The following OVCH2 variants were observed in gnomAD, a reference collection of about 807,000 sequenced individuals.
OVCH2 encodes ovochymase-2.
Under a neutral mutation model 73.7 loss-of-function variants are expected in OVCH2, and 88 were observed. The ratio of observed to expected loss-of-function variants is 1.19; its 90% CI spans 1.01 to 1.43. The LOEUF is 1.43. OVCH2 is among the 40% of genes most tolerant of loss of function. The pLI is 0.00. For missense variants in OVCH2, 706 were observed against 674.5 expected, an observed-to-expected ratio of 1.05 and a Z score of -0.52; for synonymous variants, 265 against 234.5, an observed-to-expected ratio of 1.13 and a Z score of -1.19.
chr11:7,689,840 G>T, intron 15 of OVCH2, 84 bp downstream of exon 15: 1 of 828,670 alleles, frequency 1.2e-6, no homozygotes, highest in South Asian at 1.4e-5. Context: ...GGAGGAAGAT[G>T]GAATTAAATC....
At chr11:7,686,982 A>C (rs1296252762), downstream of OVCH2, among the ~76,000 whole-genome samples, 1 of 152,070 alleles carries the variant, frequency 6.6e-6, no homozygotes, top group Non-Finnish European at 1.5e-5. Context: ...ACTCCTTAGA[A>C]TTCCTGGAGA....
At chr11:7,686,336 C>T (rs182064568), downstream of OVCH2, among the ~76,000 whole-genome samples, 263 of 152,250 alleles carry the variant, frequency 1.7e-3, 5 homozygotes, top group South Asian at 0.036. Context: ...TCATATGCAA[C>T]GTTTAGAATG....
chr11:7,695,311 G>C (rs1589875385), intron 11 of OVCH2, 123 bp from the exon 12 acceptor site: 1 of 1,247,898 alleles, frequency 8.0e-7, no homozygotes, highest in Admixed American at 2.8e-5. Flanking sequence ...CTGCGAACAA[G>C]AAAAGACGTA....
chr11:7,682,255 G>A, the OVCH2 span, among the ~76,000 whole-genome samples: 5 of 152,230 alleles, frequency 3.3e-5, no homozygotes, highest in African/African-American at 1.2e-4. Context: ...CAGTAGCAAA[G>A]CTGGGACATA....
chr11:7,691,545 T>C (rs1370386143), intron 13 of OVCH2, 145 bp from the exon 14 acceptor site: 20 of 1,134,368 alleles, frequency 1.8e-5, no homozygotes, highest in Non-Finnish European at 2.3e-5. Flanking sequence ...TAAAGGCAGC[T>C]CACTCCTTAA....
chr11:7,705,340 A>G (rs1589883434), intron 1 of OVCH2: 1 of 152,344 alleles, frequency 6.6e-6, no homozygotes, highest in East Asian at 1.9e-4. Flanking sequence ...TGCCTCTATC[A>G]TCGGACTATG....
In OVCH2 at chr11:7,703,807, TA is replaced by T. The variant is rs761551029; in HGVS notation, c.199-19del. Reference sequence around the variant, plus strand: ...AGAGATACCTAAATTGCAAATACCTTAAATGAAAGCAAGTTCATGCCCTGGG... The same window carrying T: ...AGAGATACCTAAATTGCAAATACCTTAATGAAAGCAAGTTCATGCCCTGGG... On this transcript the variant is annotated intron_variant, in intron 2 of 15. Coordinates refer to ENST00000533663, the MANE Select transcript of OVCH2 (RefSeq NM_198185.7). The T allele has an allele frequency of 1.4e-5, 22 of 1,582,686 alleles. No homozygotes were observed. The African/African-American group carries it at 3.0e-4, about 21-fold the overall frequency.
At chr11:7,692,484 T>C (rs1856241067) in intron 12 of OVCH2, among the ~76,000 whole-genome samples, 1 of 152,214 alleles carries the variant, frequency 6.6e-6, no homozygotes, top group Non-Finnish European at 1.5e-5. Flanking sequence ...CTGGCTCCTC[T>C]TCTCACCTGC....
chr11:7,706,224 G>A, intron 1 of OVCH2, 83 bp downstream of exon 1: 1 of 1,333,518 alleles, frequency 7.5e-7, no homozygotes, highest in Non-Finnish European at 1.0e-6. Context: ...TTTTCCCAAA[G>A]GAACATGGAG....
At chr11:7,699,570 T>C (rs1220961709) in intron 7 of OVCH2, 1 of 152,232 alleles carries the variant, frequency 6.6e-6, no homozygotes, top group Non-Finnish European at 1.5e-5. Flanking sequence ...TGTACTGTTA[T>C]TTTTATTGTT....
Position 7,695,676 on chromosome 11 carries a change from A to C in OVCH2, c.1176T>G (p.Ile392Met), listed in dbSNP as rs1856318363. 2.5e-6 allele frequency: 4 copies of C among 1,612,652 alleles called. No homozygotes were observed. Among genetic ancestry groups the C allele is most frequent in the Non-Finnish European group, 2.5e-6 (3 of 1,179,742 alleles). ...KFCGESLPSS[I>M]LIGSNSLRLK... is the part of the protein sequence containing the mutation. The stretch of plus-strand genomic sequence containing the variant: ...GCCTTAGAGAATTAGAGCCAATAAG[A>C]ATGGATGAAGGGAGGCTTTCTCCAC... The change falls in exon 11 of 16, where the codon ATT (isoleucine) becomes ATG (methionine). Residue 392 changes from isoleucine to methionine, a missense_variant. By Grantham distance (10) the Ile-to-Met change is conservative (BLOSUM62 1). Transcript: ENST00000533663.
rs775846650 is a variant in OVCH2, at chr11:7,696,764, C to A, written c.961G>T (p.Ala321Ser). 1.6e-5 allele frequency: 25 copies of A among 1,611,574 alleles called. No individual in the cohort carries two copies. In the Admixed American group the frequency reaches 3.9e-4, roughly 25 times the overall value. The change falls in exon 9 of 16, where the codon GCT (alanine) becomes TCT (serine). Residue 321 changes from alanine to serine, a missense_variant. Ala to Ser is a moderately conservative substitution (Grantham distance 99, BLOSUM62 1). Coordinates refer to ENST00000533663, the MANE Select transcript of OVCH2 (RefSeq NM_198185.7). Reference sequence around the variant, plus strand: ...TCTGGGAAGTGCAGCTTCCCCTCAGCCCCGCTGACTATGACATCCTGCTCA... The same window carrying A: ...TCTGGGAAGTGCAGCTTCCCCTCAGACCCGCTGACTATGACATCCTGCTCA... ...CSEQDVIVSG[A>S]EGKLHFPESL...
the OVCH2 span, among the ~76,000 whole-genome samples, chr11:7,682,591 G>A: frequency 6.6e-6 from 1 of 152,348 alleles, no homozygotes; most frequent in East Asian, 1.9e-4. Context: ...ATTTCCTCCA[G>A]TTACTGTTCC....
intron 5 of OVCH2, 61 bp from the exon 6 acceptor site, chr11:7,701,536 T>A: frequency 6.4e-7 from 1 of 1,563,220 alleles, no homozygotes; most frequent in East Asian, 2.3e-5. Flanking sequence ...GAGTTGAAGA[T>A]GCATCATTTG....
chr11:7,697,001 G>T lies in OVCH2; in HGVS notation c.926-202C>A. 4 of 570,254 alleles carry T rather than the reference G, an allele frequency of 7.0e-6. No individual in the cohort carries two copies. In the East Asian group the frequency reaches 8.7e-5, roughly 12 times the overall value. The allele number at this position is 570,254 out of a possible 1,614,324, so 35.3% of individuals were successfully genotyped here. On this transcript the variant is annotated intron_variant, in intron 8 of 15. Coordinates refer to ENST00000533663, the MANE Select transcript of OVCH2 (RefSeq NM_198185.7). Reference sequence around the variant, plus strand: ...TGCTTAACCTTGAGATTCTATGATTGGTTTTCTTTCCTTAACTCTTCTCTC... The same window carrying T: ...TGCTTAACCTTGAGATTCTATGATTTGTTTTCTTTCCTTAACTCTTCTCTC...
Position 7,701,780 on chromosome 11 carries a change from C to T in OVCH2, c.495G>A (p.Glu165=). ...GHFVGPICLP[E]LREQFEAGFI... ...AACCAGCCTCAAATTGCTCCCGCAG[C>T]TCTGGAAGACATATGGGCCCCACAA... The change falls in exon 5 of 16, where the codon GAG becomes GAA. Residue 165 remains glutamate (E), a synonymous_variant. Coordinates refer to ENST00000533663, the MANE Select transcript of OVCH2 (RefSeq NM_198185.7). The T allele has an allele frequency of 6.2e-7, 1 of 1,612,314 alleles. No individual in the cohort carries two copies. Among genetic ancestry groups the T allele is most frequent in the Non-Finnish European group, 8.5e-7 (1 of 1,179,330 alleles).
At chr11:7,698,867 T>G in intron 7 of OVCH2, 94 bp from the exon 8 acceptor site, 2 of 1,346,568 alleles carry the variant, frequency 1.5e-6, no homozygotes, top group Non-Finnish European at 2.1e-6. Context: ...AAGAGATTTT[T>G]AAGTCAATAT....
chr11:7,704,828 T>C (rs1402914970), intron 1 of OVCH2, among the ~76,000 whole-genome samples, 154 bp from the exon 2 acceptor site: 1 of 152,198 alleles, frequency 6.6e-6, no homozygotes, highest in East Asian at 1.9e-4. Flanking sequence ...GATTTAATTC[T>C]CTTGAGGGAT....
intron 4 of OVCH2, 75 bp from the exon 5 acceptor site, chr11:7,701,886 T>G: frequency 1.6e-6 from 2 of 1,259,904 alleles, no homozygotes; most frequent in Non-Finnish European, 2.3e-6. Flanking sequence ...CCACTTGGTA[T>G]CCAGGTGGTC....
Sources: gnomAD v4.1 joint callset for allele counts (sites outside exome capture counted in the v4.1 genomes callset) on GRCh38, gnomAD v4.1.1 for gene constraint, MANE v1.5 for transcripts, NCBI Gene and HGNC (gene_info 2026-07-23, HGNC 2026-07-21) for gene names.